Variants in KCNH7 observed in about 807,000 individuals in gnomAD.
KCNH7 encodes voltage-gated inwardly rectifying potassium channel KCNH7.
A neutral mutation model predicts 120.8 loss-of-function variants in KCNH7; 49 were observed. The observed-to-expected ratio is 0.41, with a 90% CI of 0.32 to 0.51. The LOEUF (loss-of-function observed/expected upper bound fraction) is 0.51. Among genes scored for constraint, KCNH7 ranks in the 20% least tolerant of loss-of-function variants. The pLI is 0.38. For missense variants in KCNH7, 1,097 were observed against 1,446.6 expected (o/e 0.76, Z 3.92); for synonymous variants, 547 against 516.1 (o/e 1.06, Z -0.81).
At chr2:162,781,596 G>C (rs1247466912) in intron 2 of KCNH7, among the ~76,000 whole-genome samples, 1 of 152,016 alleles carries the variant, frequency 6.6e-6, no homozygotes, top group Admixed American at 6.6e-5. Flanking sequence ...GCAGTGATGT[G>C]GTAAGTAAGT....
intron 2 of KCNH7, among the ~76,000 whole-genome samples, chr2:162,819,179 G>A (rs1230834447): frequency 6.6e-6 from 1 of 152,004 alleles, no homozygotes; most frequent in African/African-American, 2.4e-5. Context: ...GACAATATGA[G>A]GAAATTGGAA....
chr2:162,493,029 A>G (rs1376266989), intron 6 of KCNH7, among the ~76,000 whole-genome samples: 1 of 150,894 alleles, frequency 6.6e-6, no homozygotes, highest in Non-Finnish European at 1.5e-5. Context: ...GGTGCCACAG[A>G]CTCCATTTTG....
intron 2 of KCNH7, among the ~76,000 whole-genome samples, chr2:162,547,182 C>T (rs1021195469): frequency 1.2e-4 from 18 of 152,162 alleles, no homozygotes; most frequent in African/African-American, 4.1e-4. Context: ...TGAGAATTCA[C>T]TTAGTCTCAT....
At chr2:162,491,332 G>A (rs953778642) in intron 6 of KCNH7, among the ~76,000 whole-genome samples, 19 of 152,126 alleles carry the variant, frequency 1.2e-4, no homozygotes, top group Admixed American at 1.0e-3. Flanking sequence ...ACAGCCCTGC[G>A]GATATGGGCA....
At chr2:162,813,600 G>C (rs945858423) in intron 2 of KCNH7, among the ~76,000 whole-genome samples, 1 of 152,128 alleles carries the variant, frequency 6.6e-6, no homozygotes, top group Non-Finnish European at 1.5e-5. Flanking sequence ...ATCAACCACT[G>C]TTCACACAGC....
chr2:162,808,437 C>T (rs1170634666), intron 2 of KCNH7, among the ~76,000 whole-genome samples: 5 of 152,030 alleles, frequency 3.3e-5, no homozygotes, highest in Admixed American at 3.3e-4. Context: ...CTCTGTGGAG[C>T]AGGACTGAGC....
At chr2:162,656,287 T>G (rs541670349) in intron 2 of KCNH7, among the ~76,000 whole-genome samples, 1 of 152,170 alleles carries the variant, frequency 6.6e-6, no homozygotes, top group Non-Finnish European at 1.5e-5. Context: ...TTCTAAACAT[T>G]CTATAAAAAG....
At chr2:162,779,935 GT>G (rs1304214873) in intron 2 of KCNH7, among the ~76,000 whole-genome samples, 1 of 152,124 alleles carries the variant, frequency 6.6e-6, no homozygotes, top group East Asian at 1.9e-4. Flanking sequence ...GTACATGTGT[GT>G]TTTCTCCCTT....
At chr2:162,638,438 T>G (rs1420209698) in intron 2 of KCNH7, among the ~76,000 whole-genome samples, 1 of 152,042 alleles carries the variant, frequency 6.6e-6, no homozygotes, top group Non-Finnish European at 1.5e-5. Flanking sequence ...TACAACAAAT[T>G]AAATTTCTGC....
intron 6 of KCNH7, among the ~76,000 whole-genome samples, chr2:162,491,173 G>A (rs1444147102): frequency 6.6e-6 from 1 of 152,176 alleles, no homozygotes; most frequent in African/African-American, 2.4e-5. Context: ...TCCTCCTCTG[G>A]TTGAGCCAAG....
At chr2:162,683,152 A>G (rs1324554957) in intron 2 of KCNH7, among the ~76,000 whole-genome samples, 1 of 151,862 alleles carries the variant, frequency 6.6e-6, no homozygotes, top group African/African-American at 2.4e-5. Flanking sequence ...GCAGGGCATG[A>G]GAAGGTGATG....
At chr2:162,499,669 A>G (rs1690612008) in intron 6 of KCNH7, among the ~76,000 whole-genome samples, 1 of 152,066 alleles carries the variant, frequency 6.6e-6, no homozygotes, top group African/African-American at 2.4e-5. Context: ...TGCTTTGGAG[A>G]TTTTTGACTG....
At chr2:162,711,361 G>A (rs1395419572) in intron 2 of KCNH7, among the ~76,000 whole-genome samples, 1 of 152,224 alleles carries the variant, frequency 6.6e-6, no homozygotes, top group South Asian at 2.1e-4. Flanking sequence ...TGCCAGGAAG[G>A]CACTTGAAAA....
chr2:162,416,546 A>C lies in KCNH7; in HGVS notation c.2154+6790T>G, dbSNP rs570874132. On this transcript the variant is annotated intron_variant, in intron 9 of 15. Transcript: ENST00000332142. ...TGCACCTCTATGATCCAAATAAAAT[A>C]ATTTCGCCTTTGTGGAGAGTGAGTA... Among the ~76,000 whole-genome samples, 14 of 152,188 alleles carry C rather than the reference A, an allele frequency of 9.2e-5. No homozygotes were observed. In the East Asian group the frequency reaches 2.5e-3, roughly 27 times the overall value.
At chr2:162,425,785 T>C (rs1687840842) in intron 8 of KCNH7, among the ~76,000 whole-genome samples, 2 of 152,200 alleles carry the variant, frequency 1.3e-5, no homozygotes, top group Non-Finnish European at 2.9e-5. Context: ...AAATTAGATG[T>C]TATTTGGATG....
Position 162,736,183 on chromosome 2 carries a change from T to G in KCNH7, c.307+100354A>C, listed in dbSNP as rs140617652. ...CAAACCTGCAAGGAGAAGAGAAGGA[T>G]TGGCACACTGACTAAAAATCCTGTT... On this transcript the variant is annotated intron_variant, in intron 2 of 15. Transcript: ENST00000332142. 3.2e-4 allele frequency among the ~76,000 whole-genome samples: 48 copies of G among 152,316 alleles called. No homozygotes were observed. In the East Asian group the frequency reaches 5.0e-3, roughly 16 times the overall value.
At chr2:162,376,630 G>C (rs1686201015) in intron 14 of KCNH7, among the ~76,000 whole-genome samples, 1 of 151,970 alleles carries the variant, frequency 6.6e-6, no homozygotes, top group Admixed American at 6.6e-5. Context: ...TCAAAGTGCT[G>C]GGATTACAGG....
intron 4 of KCNH7, among the ~76,000 whole-genome samples, chr2:162,517,116 T>A (rs140976280): frequency 1.4e-3 from 208 of 151,892 alleles, no homozygotes; most frequent in African/African-American, 4.4e-3. Context: ...TACTGGCTAA[T>A]GTAAGAATGT....
intron 2 of KCNH7, among the ~76,000 whole-genome samples, chr2:162,579,679 TGG>T (rs1314453274): frequency 6.6e-6 from 1 of 151,942 alleles, no homozygotes; most frequent in Non-Finnish European, 1.5e-5. Flanking sequence ...TTGAACAGGG[TGG>T]GCACTTCTGA....
Sources: allele counts gnomAD v4.1 joint callset (sites outside exome capture counted in the v4.1 genomes callset), GRCh38; gene constraint gnomAD v4.1.1; transcripts MANE v1.5; gene names NCBI Gene and HGNC (gene_info 2026-07-23, HGNC 2026-07-21).